Variants in CDH23 observed in about 807,000 individuals in gnomAD.
CDH23 encodes the protein cadherin related 23.
A neutral mutation model predicts 317.1 loss-of-function variants in CDH23; 189 were observed. The ratio of observed to expected loss-of-function variants is 0.60; its 90% CI spans 0.53 to 0.67. CDH23 has a LOEUF of 0.67. Ranked by LOEUF, CDH23 falls within the 30% of genes least tolerant of loss-of-function variation. The pLI is 0.00. For synonymous variants in CDH23, 1,839 were observed against 1,876.8 expected (o/e 0.98, Z 0.52); for missense variants, 4,401 against 4,592.4 (o/e 0.96, Z 1.20).
intron 20 of CDH23, among the ~76,000 whole-genome samples, chr10:71,691,078 TA>T (rs1045585701): frequency 8.5e-5 from 13 of 152,168 alleles, no homozygotes; most frequent in Non-Finnish European, 1.5e-4. Flanking sequence ...CGAAAAGTGC[TA>T]AAAAAAATTA....
At chr10:71,567,430 T>A (rs1044784945) in intron 7 of CDH23, among the ~76,000 whole-genome samples, 2 of 152,230 alleles carry the variant, frequency 1.3e-5, no homozygotes, top group Admixed American at 6.5e-5. Context: ...AGTGGTGACA[T>A]TCCACATCAT....
chr10:71,570,699 A>C, intron 7 of CDH23, 91 bp from the exon 8 acceptor site: 1 of 1,449,966 alleles, frequency 6.9e-7, no homozygotes, highest in Non-Finnish European at 9.4e-7. Flanking sequence ...TATGTGCTGC[A>C]CGGTGCAGGT....
chr10:71,729,342 G>T (rs1041979944), intron 30 of CDH23, among the ~76,000 whole-genome samples: 8 of 152,210 alleles, frequency 5.3e-5, no homozygotes, highest in Non-Finnish European at 1.0e-4. Flanking sequence ...ACAGGAAAAG[G>T]TGGAACAGGG....
At chr10:71,802,823 A>G (rs1250193877) in intron 53 of CDH23, 75 bp from the exon 54 acceptor site, 10 of 1,494,768 alleles carry the variant, frequency 6.7e-6, no homozygotes, top group Non-Finnish European at 8.3e-6. Flanking sequence ...ATCCAGGCTT[A>G]CTCCTGCATG....
intron 1 of CDH23, among the ~76,000 whole-genome samples, chr10:71,416,854 G>A (rs529423114): frequency 6.6e-6 from 1 of 152,170 alleles, no homozygotes; most frequent in Admixed American, 6.5e-5. Flanking sequence ...TATTTTTACT[G>A]AGTATAAAAT....
intron 1 of CDH23, among the ~76,000 whole-genome samples, chr10:71,425,371 A>AGAAGAAAGGAAGGAAGGAAG (rs1849021660): frequency 1.2e-5 from 1 of 82,418 alleles, no homozygotes; most frequent in Non-Finnish European, 2.5e-5. Context: ...AAGAGAGAGG[A>AGAAGAAAGGAAGGAAGGAAG]GAAGGAAGGA....
intron 6 of CDH23, among the ~76,000 whole-genome samples, chr10:71,560,263 C>T (rs1857064857): frequency 6.6e-6 from 1 of 152,186 alleles, no homozygotes; most frequent in African/African-American, 2.4e-5. Context: ...AAGTTCCTTG[C>T]CTCTGACTTG....
At chr10:71,639,962 G>A (rs1318311153) in intron 11 of CDH23, among the ~76,000 whole-genome samples, 1 of 152,216 alleles carries the variant, frequency 6.6e-6, no homozygotes, top group East Asian at 1.9e-4. Context: ...TTGGTCAGTA[G>A]GTGATCCTGA....
At chr10:71,773,569 G>A (rs945261100) in intron 38 of CDH23, 24 of 781,804 alleles carry the variant, frequency 3.1e-5, no homozygotes, top group Non-Finnish European at 4.4e-5. Flanking sequence ...CGTGCTCCAG[G>A]CACCCGCCCC....
intron 6 of CDH23, among the ~76,000 whole-genome samples, chr10:71,560,807 C>G (rs1857092200): frequency 1.3e-5 from 2 of 151,876 alleles, no homozygotes; most frequent in Non-Finnish European, 2.9e-5. Context: ...TGTCAGGACT[C>G]CATCTGTCAG....
At chr10:71,685,136 T>G (rs898025310) in intron 18 of CDH23, among the ~76,000 whole-genome samples, 4 of 152,194 alleles carry the variant, frequency 2.6e-5, no homozygotes, top group Non-Finnish European at 5.9e-5. Flanking sequence ...CCAGTGCTTC[T>G]CAAACTTCCC....
chr10:71,500,761 TTTCTTTTC>T (rs1853250127), intron 3 of CDH23, among the ~76,000 whole-genome samples: 1 of 32,080 alleles, frequency 3.1e-5, no homozygotes, highest in Non-Finnish European at 7.5e-5. Flanking sequence ...CTGAGCCTGT[TTTCTTTTC>T]TTTTCTTTTC....
At chr10:71,809,156 T>C (rs947320109) in intron 60 of CDH23, among the ~76,000 whole-genome samples, 31 of 149,010 alleles carry the variant, frequency 2.1e-4, no homozygotes, top group Middle Eastern at 3.4e-3. Context: ...GGTTTTGTTG[T>C]TTTCTTTTTC....
At chr10:71,699,738 A>T (rs12779718) in intron 22 of CDH23, among the ~76,000 whole-genome samples, 66,643 of 152,066 alleles carry the variant, frequency 0.44, 16,398 homozygotes, top group Non-Finnish European at 0.58. Flanking sequence ...ACGGGCGTGA[A>T]ATGGGAAATA....
intron 3 of CDH23, among the ~76,000 whole-genome samples, chr10:71,492,088 G>A (rs1050305876): frequency 1.3e-5 from 2 of 152,182 alleles, no homozygotes; most frequent in Non-Finnish European, 2.9e-5. Flanking sequence ...CAGTCTCCAG[G>A]AGTGAAATTA....
At chr10:71,810,704 T>C in intron 62 of CDH23, 135 bp downstream of exon 62, 1 of 784,342 alleles carries the variant, frequency 1.3e-6, no homozygotes, top group South Asian at 1.7e-5. Context: ...TCTCCCAGAC[T>C]GGGGCAGGGC....
At chr10:71,761,331 C>CCTA (rs1840378034) in intron 38 of CDH23, among the ~76,000 whole-genome samples, 4 of 152,192 alleles carry the variant, frequency 2.6e-5, no homozygotes, top group Admixed American at 2.0e-4. Flanking sequence ...AGTCACACTC[C>CCTA]CAGCCCAGGT....
At chr10:71,775,748 C>G (rs1840803118) in intron 38 of CDH23, among the ~76,000 whole-genome samples, 1 of 152,180 alleles carries the variant, frequency 6.6e-6, no homozygotes, top group Admixed American at 6.5e-5. Flanking sequence ...GCCCCTGCAG[C>G]CTGCACACTC....
At chr10:71,740,141 T>C (rs1839693848) in intron 36 of CDH23, among the ~76,000 whole-genome samples, 1 of 152,114 alleles carries the variant, frequency 6.6e-6, no homozygotes, top group Admixed American at 6.5e-5. Flanking sequence ...ACCTATGCAA[T>C]GTACAAAAAA....
Sources: gnomAD v4.1 joint callset for allele counts (sites outside exome capture counted in the v4.1 genomes callset) on GRCh38, gnomAD v4.1.1 for gene constraint, MANE v1.5 for transcripts, NCBI Gene and HGNC (gene_info 2026-07-23, HGNC 2026-07-21) for gene names.